AGMO: variants seen among roughly 807,000 people sequenced by gnomAD.
AGMO encodes the protein alkylglycerol monooxygenase, also known as glyceryl-ether monooxygenase.
Under a neutral mutation model 60.2 loss-of-function variants are expected in AGMO, and 75 were observed. The observed-to-expected ratio is 1.25, with a 90% CI of 1.03 to 1.51. AGMO has a LOEUF of 1.51. AGMO is among the 40% of genes most tolerant of loss of function. AGMO has a pLI of 0.00. For synonymous variants in AGMO, 261 were observed against 177.1 expected (o/e 1.47, Z -3.76); for missense variants, 763 against 525.5 (o/e 1.45, Z -4.42).
chr7:15,550,771 T>C (rs1388470843), intron 2 of AGMO, among the ~76,000 whole-genome samples: 2 of 140,166 alleles, frequency 1.4e-5, no homozygotes, highest in African/African-American at 5.4e-5. Context: ...CTTCTGAAAC[T>C]ATTCCAATCA....
the AGMO span, among the ~76,000 whole-genome samples, chr7:15,172,621 T>C: frequency 2.0e-5 from 3 of 152,092 alleles, no homozygotes; most frequent in Non-Finnish European, 4.4e-5. Flanking sequence ...GAAGTTCCAG[T>C]GAGAGAGACC....
intron 3 of AGMO, among the ~76,000 whole-genome samples, chr7:15,540,512 C>A (rs1458869619): frequency 5.3e-5 from 8 of 152,138 alleles, no homozygotes; most frequent in Admixed American, 3.9e-4. Context: ...GTCCCTCCAG[C>A]CCCTTAAATT....
intron 12 of AGMO, among the ~76,000 whole-genome samples, chr7:15,333,626 A>G (rs1000647974): frequency 2.6e-4 from 39 of 151,764 alleles, no homozygotes; most frequent in Non-Finnish European, 5.0e-4. Flanking sequence ...AAAGAAAGAA[A>G]AAAAATAAAA....
intron 3 of AGMO, among the ~76,000 whole-genome samples, chr7:15,436,884 G>A (rs1322429181): frequency 6.6e-6 from 1 of 152,076 alleles, no homozygotes; most frequent in Non-Finnish European, 1.5e-5. Context: ...AAATGATAGT[G>A]CGAAATTTCT....
the AGMO span, among the ~76,000 whole-genome samples, chr7:15,133,454 G>A: frequency 2.0e-5 from 3 of 151,960 alleles, no homozygotes; most frequent in African/African-American, 7.2e-5. Context: ...GAAGTAGGGA[G>A]GGAAGACAAC....
chr7:15,325,829 C>G (rs569076696), intron 12 of AGMO, among the ~76,000 whole-genome samples: 1 of 151,952 alleles, frequency 6.6e-6, no homozygotes, highest in African/African-American at 2.4e-5. Context: ...TGCTTTTATA[C>G]AACATTTTAC....
At chr7:15,248,429 A>G (rs1046085099) in intron 12 of AGMO, among the ~76,000 whole-genome samples, 1 of 151,644 alleles carries the variant, frequency 6.6e-6, no homozygotes, top group Non-Finnish European at 1.5e-5. Context: ...TAGACCAGAG[A>G]TGGCAAGGAC....
intron 12 of AGMO, among the ~76,000 whole-genome samples, chr7:15,245,971 A>G (rs1259240191): frequency 6.6e-6 from 1 of 152,200 alleles, no homozygotes; most frequent in African/African-American, 2.4e-5. Flanking sequence ...TGCACATACA[A>G]TGAAACTGTC....
At chr7:15,373,940 CA>C (rs1783338262) in intron 10 of AGMO, among the ~76,000 whole-genome samples, 1 of 152,190 alleles carries the variant, frequency 6.6e-6, no homozygotes, top group African/African-American at 2.4e-5. Flanking sequence ...GAAACCTCTA[CA>C]ATCTCTGCTG....
At chr7:15,148,364 G>A in the AGMO span, among the ~76,000 whole-genome samples, 1 of 151,874 alleles carries the variant, frequency 6.6e-6, no homozygotes, top group Non-Finnish European at 1.5e-5. Context: ...ATGAGTTCAT[G>A]TTCAGGTTTG....
At chr7:15,484,640 A>G (rs1208343191) in intron 3 of AGMO, among the ~76,000 whole-genome samples, 1 of 152,216 alleles carries the variant, frequency 6.6e-6, no homozygotes, top group Admixed American at 6.5e-5. Context: ...TTGACAAAAA[A>G]CAATCTTTCA....
the AGMO span, among the ~76,000 whole-genome samples, chr7:15,132,795 G>C: frequency 6.6e-6 from 1 of 152,164 alleles, no homozygotes; most frequent in Non-Finnish European, 1.5e-5. Flanking sequence ...ACAATGTGAA[G>C]TCAAGGAAGG....
chr7:15,404,964 A>G (rs910891098), intron 5 of AGMO, among the ~76,000 whole-genome samples: 1 of 151,850 alleles, frequency 6.6e-6, no homozygotes, highest in East Asian at 1.9e-4. Flanking sequence ...TTCAGATACT[A>G]ATATTTTAAA....
chr7:15,359,762 G>C (rs1278161580), intron 12 of AGMO, among the ~76,000 whole-genome samples: 3 of 152,134 alleles, frequency 2.0e-5, no homozygotes, highest in African/African-American at 7.2e-5. Context: ...ATGTTTTATT[G>C]TATGTTACAT....
chr7:15,128,338 C>A, the AGMO span, among the ~76,000 whole-genome samples: 1 of 152,096 alleles, frequency 6.6e-6, no homozygotes, highest in African/African-American at 2.4e-5. Flanking sequence ...TGAACAAACT[C>A]TTCAATTTCC....
chr7:15,488,512 G>T (rs1262727181), intron 3 of AGMO, among the ~76,000 whole-genome samples: 1 of 152,088 alleles, frequency 6.6e-6, no homozygotes, highest in African/African-American at 2.4e-5. Context: ...GCATTGTCTA[G>T]TTAATTATGG....
In AGMO at chr7:15,405,880, C is replaced by G. The variant is rs11971919; in HGVS notation, c.610-11701G>C. On this transcript the variant is annotated intron_variant, in intron 5 of 12. Coordinates refer to ENST00000342526, the MANE Select transcript of AGMO (RefSeq NM_001004320.2). ...TGAAGCTAAAATAGGACAGATTTCT[C>G]TTTGATTTCAAAATGTATAATCTTA... 7.5e-3 allele frequency among the ~76,000 whole-genome samples: 1,132 copies of G among 151,936 alleles called. 21 individuals carry two copies. The highest frequency in any genetic ancestry group is 0.026 in the African/African-American group (1,073 of 41,500).
intron 3 of AGMO, among the ~76,000 whole-genome samples, chr7:15,445,880 A>G (rs1187075796): frequency 6.6e-6 from 1 of 152,120 alleles, no homozygotes; most frequent in Non-Finnish European, 1.5e-5. Context: ...TGCCACTCCA[A>G]AGATGTGTGG....
chr7:15,349,686 T>C (rs1224205432), intron 12 of AGMO, among the ~76,000 whole-genome samples: 5 of 152,268 alleles, frequency 3.3e-5, no homozygotes, highest in South Asian at 4.1e-4. Flanking sequence ...AGAGGTTTAA[T>C]TGACTCACAG....
Sources: allele counts gnomAD v4.1 joint callset (sites outside exome capture counted in the v4.1 genomes callset), GRCh38; gene constraint gnomAD v4.1.1; transcripts MANE v1.5; gene names NCBI Gene and HGNC (gene_info 2026-07-23, HGNC 2026-07-21).